Variants in MCM3AP observed in about 807,000 individuals in gnomAD.
The protein encoded by MCM3AP is minichromosome maintenance complex component 3 associated protein.
Under a neutral mutation model 184.1 loss-of-function variants are expected in MCM3AP, and 126 were observed. The observed-to-expected ratio is 0.68, with a 90% confidence interval of 0.59 to 0.79. MCM3AP has a LOEUF of 0.79. MCM3AP is among the 30% of genes least tolerant of loss of function. The pLI, the probability that MCM3AP is intolerant of heterozygous loss-of-function variation, is 0.00. For missense variants in MCM3AP, 2,496 were observed against 2,479.2 expected, an observed-to-expected ratio of 1.01 and a Z score of -0.14; for synonymous variants, 1,002 against 979.3, an observed-to-expected ratio of 1.02 and a Z score of -0.43.
At chr21:46,259,327 G>A in intron 15 of MCM3AP, 1 of 319,696 alleles carries the variant, frequency 3.1e-6, no homozygotes, top group East Asian at 7.3e-5. Context: ...GTGGTGGCGG[G>A]CGCCTGTAGT....
intron 13 of MCM3AP, among the ~76,000 whole-genome samples, chr21:46,263,013 T>C (rs1449828237): frequency 8.0e-6 from 1 of 125,384 alleles, no homozygotes; most frequent in Non-Finnish European, 1.7e-5. Flanking sequence ...CAGACCAATA[T>C]CCCTCATGAA....
chr21:46,258,820 A>C, intron 16 of MCM3AP, 119 bp downstream of exon 16: 9 of 1,092,282 alleles, frequency 8.2e-6, no homozygotes, highest in Non-Finnish European at 1.2e-5. Flanking sequence ...TCATTGCTAT[A>C]ACATTTTCCC....
chr21:46,283,594 T>C, intron 2 of MCM3AP, 21 bp downstream of exon 2: 2 of 1,549,478 alleles, frequency 1.3e-6, no homozygotes, highest in Non-Finnish European at 1.8e-6. Flanking sequence ...GGGTAACAAA[T>C]GGCAAGATGG....
At chr21:46,248,400 A>G (rs2080811462) in intron 20 of MCM3AP, among the ~76,000 whole-genome samples, 1 of 152,166 alleles carries the variant, frequency 6.6e-6, no homozygotes, top group East Asian at 1.9e-4. Context: ...CTTTCCAGAA[A>G]AACTGAACAG....
rs2080546416 is a variant in MCM3AP at position 46,237,063 on chromosome 21, A to T, written c.5634-84T>A. The T allele has an allele frequency of 1.0e-5, 7 of 697,062 alleles. No homozygotes were observed. In the South Asian group the frequency reaches 3.8e-4, roughly 38 times the overall value. The allele number at this position is 697,062 out of a possible 1,614,324, so 43.2% of individuals were successfully genotyped here. Reference sequence around the variant, plus strand: ...CATTAATCTTCTATATATACTTAAAAACTTTTTAAGCCTTTGCTTTTTTAA... The same window carrying T: ...CATTAATCTTCTATATATACTTAAATACTTTTTAAGCCTTTGCTTTTTTAA... On this transcript the variant is annotated intron_variant, in intron 26 of 27. Coordinates refer to ENST00000291688, the MANE Select transcript of MCM3AP (RefSeq NM_003906.5).
In MCM3AP at chr21:46,272,971, T is replaced by C. The variant is rs951673609; in HGVS notation, c.2197-142A>G. On this transcript the variant is annotated intron_variant, in intron 7 of 27. Coordinates refer to ENST00000291688, the MANE Select transcript of MCM3AP (RefSeq NM_003906.5). ...TGCACATTTTAATAGGACTTTGTAG[T>C]GACTTAAATAAAAGTCCTGGGGTTT... The C allele has an allele frequency of 7.4e-6, 6 of 813,508 alleles. No individual in the cohort carries two copies. The East Asian group carries it at 1.7e-4, about 22-fold the overall frequency. The allele number at this position is 813,508 out of a possible 1,614,324, so 50.4% of individuals were successfully genotyped here.
At position 46,284,138 on chromosome 21, in the gene MCM3AP, A is replaced by T. The variant is rs777389686; in HGVS notation, c.1149T>A (p.Ser383=). ...CTGGAATCCGGGAAGGTGCCAGGAC[A>T]GACTGATTCCCTCCTGGGATAGCCA... is the stretch of plus-strand genomic sequence containing the variant. ...DHMAIPGGNQ[S]VLAPSRIPGV... is the part of the protein sequence containing the mutation. The change falls in exon 1 of 28, where the codon TCT becomes TCA. Residue 383 remains serine, a synonymous_variant. Transcript: ENST00000291688. 97 of 1,614,126 alleles carry T rather than the reference A, an allele frequency of 6.0e-5. No individual in the cohort carries two copies. Among genetic ancestry groups the T allele is most frequent in the Non-Finnish European group, 7.8e-5 (92 of 1,180,052 alleles).
chr21:46,264,302 C>T, intron 12 of MCM3AP, 85 bp from the exon 13 acceptor site: 2 of 836,588 alleles, frequency 2.4e-6, no homozygotes, highest in East Asian at 2.7e-5. Flanking sequence ...GGACAGTCTG[C>T]AGGCGTCTCG....
chr21:46,269,285 T>C (rs2081151435), intron 9 of MCM3AP, among the ~76,000 whole-genome samples: 1 of 151,924 alleles, frequency 6.6e-6, no homozygotes, highest in Admixed American at 6.6e-5. Flanking sequence ...GCCTGGCTTT[T>C]TTTTTATTTT....
At position 46,245,027 on chromosome 21, in the gene MCM3AP, G is replaced by T; in HGVS notation, c.4818C>A (p.Gly1606=). 1.2e-6 allele frequency: 2 copies of T among 1,614,150 alleles called. No homozygotes were observed. The highest frequency in any genetic ancestry group is 1.7e-6 in the Non-Finnish European group (2 of 1,180,020). The stretch of plus-strand genomic sequence containing the variant: ...CACTGTTAAACAGCTCAATGATGGC[G>T]CCAGGCTCCTGAGAAGCAAGACCGC... The part of the protein sequence containing the change: ...RLGGLASQEP[G]AIIELFNSVL... The change falls in exon 23 of 28, where the codon GGC becomes GGA. Residue 1606 remains glycine, a synonymous_variant. Transcript: ENST00000291688.
chr21:46,258,183 G>A (rs951195247), intron 16 of MCM3AP, among the ~76,000 whole-genome samples: 2 of 152,196 alleles, frequency 1.3e-5, no homozygotes, highest in African/African-American at 2.4e-5. Context: ...GCTGCTGCTC[G>A]CACAATGGAC....
rs369754349 is a variant in MCM3AP at position 46,285,018 on chromosome 21, G to A, written c.269C>T (p.Thr90Ile). The change falls in exon 1 of 28, where the codon ACT (threonine) becomes ATT (isoleucine). Residue 90 changes from threonine (T) to isoleucine (I), a missense_variant. This residue lies in a region of MCM3AP where 800 missense variants were observed against 717.1 expected (regional missense o/e 1.12). Transcript: ENST00000291688. Reference protein sequence around the residue: ...SVGPFSGLEHTSTFVATSGPS... With the variant: ...SVGPFSGLEHISTFVATSGPS... The stretch of plus-strand genomic sequence containing the variant: ...CCCAGAGGTAGCCACAAAGGTGGAA[G>A]TGTGCTCAAGTCCAGAAAAGGGTCC... 15 of 1,614,218 alleles carry A rather than the reference G, an allele frequency of 9.3e-6. No homozygotes were observed. In the African/African-American group the frequency reaches 1.7e-4, roughly 19 times the overall value.
At chr21:46,267,388 T>C (rs192271479) in intron 9 of MCM3AP, 13 of 481,034 alleles carry the variant, frequency 2.7e-5, no homozygotes, top group Middle Eastern at 5.5e-4. Context: ...GTGAAGGTTT[T>C]ATTCATAAGA....
In MCM3AP at chr21:46,246,385, C is replaced by G; in HGVS notation, c.4569G>C (p.Leu1523Phe). ...EVEDGLMLQDLVSAKLISDYT... is the reference protein window; with the variant it reads ...EVEDGLMLQDFVSAKLISDYT... ...AATCTGAAATCAGCTTAGCTGAAAC[C>G]AAGTCCTGTAGCATCAGACCTTTAA... Residue 1523 changes from leucine to phenylalanine, a missense_variant, in exon 22 of 28, where the codon TTG (leucine) becomes TTC (phenylalanine). By Grantham distance (22) the Leu-to-Phe change is conservative (BLOSUM62 0). This residue lies in a region of MCM3AP where 1,323 missense variants were observed against 1,273.4 expected (regional missense o/e 1.04). Coordinates refer to ENST00000291688, the MANE Select transcript of MCM3AP (RefSeq NM_003906.5). 2 of 1,610,474 alleles carry G rather than the reference C, an allele frequency of 1.2e-6. No homozygotes were observed. Among genetic ancestry groups the G allele is most frequent in the South Asian group, 1.1e-5 (1 of 91,006 alleles).
intron 9 of MCM3AP, among the ~76,000 whole-genome samples, chr21:46,269,581 G>A (rs1284799896): frequency 1.3e-5 from 2 of 152,228 alleles, no homozygotes; most frequent in Non-Finnish European, 2.9e-5. Flanking sequence ...AGGCCCTGAT[G>A]TGTGACCAAA....
chr21:46,276,807 G>A (rs1009090688), intron 5 of MCM3AP, among the ~76,000 whole-genome samples: 5 of 148,272 alleles, frequency 3.4e-5, no homozygotes, highest in East Asian at 2.0e-4. Context: ...GCACAATCTC[G>A]GCTCACTGTA....
At position 46,285,122 on chromosome 21, in the gene MCM3AP, T is replaced by C. The variant is rs776179479; in HGVS notation, c.165A>G (p.Val55=). 4.3e-6 allele frequency: 7 copies of C among 1,614,230 alleles called. No individual in the cohort carries two copies. The East Asian group carries it at 1.3e-4, about 31-fold the overall frequency. The part of the protein sequence containing the change: ...LSGKSSGFSQ[V]SSFPASSGVS... ...CTCCAGAAGACGCTGGAAAGCTGGA[T>C]ACCTGTGAAAATCCCGAGCTCTTCC... is the stretch of plus-strand genomic sequence containing the variant. The change falls in exon 1 of 28, where the codon GTA becomes GTG. Residue 55 remains valine, a synonymous_variant. Transcript: ENST00000291688.
intron 18 of MCM3AP, 33 bp downstream of exon 18, chr21:46,254,743 A>G: frequency 1.3e-6 from 2 of 1,598,156 alleles, no homozygotes; most frequent in Admixed American, 1.7e-5. Flanking sequence ...GGGGATCACC[A>G]GGGGGTGCGC....
chr21:46,275,581 C>A (rs1051835992), intron 5 of MCM3AP, among the ~76,000 whole-genome samples: 1 of 151,956 alleles, frequency 6.6e-6, no homozygotes, highest in Non-Finnish European at 1.5e-5. Context: ...TCACTGCAGA[C>A]TAAGAGAAAG....
Sources: gnomAD v4.1 joint callset for allele counts (sites outside exome capture counted in the v4.1 genomes callset) on GRCh38, gnomAD v4.1.1 for gene constraint, gnomAD v4.1.1 regional missense constraint, MANE v1.5 for transcripts, NCBI Gene and HGNC (gene_info 2026-07-23, HGNC 2026-07-21) for gene names.